Variants in CTSO observed in about 807,000 individuals in gnomAD.
CTSO encodes the protein cathepsin O.
Under a neutral mutation model 42.4 loss-of-function variants are expected in CTSO, and 40 were observed. The ratio of observed to expected loss-of-function variants is 0.94; its 90% CI spans 0.73 to 1.23. CTSO has a LOEUF of 1.23. CTSO is among the 50% of genes most tolerant of loss of function. CTSO has a pLI of 0.00. For missense variants in CTSO, 441 were observed against 396.0 expected (o/e 1.11, Z -0.96); for synonymous variants, 156 against 146.2 (o/e 1.07, Z -0.48).
intron 1 of CTSO, among the ~76,000 whole-genome samples, chr4:155,949,361 A>G (rs1253510670): frequency 6.6e-6 from 1 of 152,176 alleles, no homozygotes; most frequent in Non-Finnish European, 1.5e-5. Flanking sequence ...GTGAACATCT[A>G]TTATTTTTCC....
chr4:155,926,111 A>G (rs774651144), intron 7 of CTSO, 41 bp from the exon 8 acceptor site: 12 of 1,452,102 alleles, frequency 8.3e-6, no homozygotes, highest in Non-Finnish European at 7.6e-6. Flanking sequence ...TTTCCTCTTT[A>G]GATGCTTTTG....
At chr4:155,950,293 G>A (rs569983366) in intron 1 of CTSO, among the ~76,000 whole-genome samples, 30 of 152,174 alleles carry the variant, frequency 2.0e-4, no homozygotes, top group African/African-American at 7.0e-4. Context: ...TAAACATAAC[G>A]ATATTCATTT....
chr4:155,930,308 G>T (rs991687575), intron 5 of CTSO, among the ~76,000 whole-genome samples: 1 of 152,180 alleles, frequency 6.6e-6, no homozygotes, highest in Non-Finnish European at 1.5e-5. Flanking sequence ...AAATTATAGG[G>T]AAGGGCTACT....
chr4:155,930,038 G>C (rs1743208037), intron 5 of CTSO, among the ~76,000 whole-genome samples: 1 of 152,188 alleles, frequency 6.6e-6, no homozygotes, highest in Non-Finnish European at 1.5e-5. Context: ...CATCTCTGTT[G>C]AGAAGACTTC....
chr4:155,946,055 G>T (rs1394233357), intron 1 of CTSO, among the ~76,000 whole-genome samples: 1 of 152,114 alleles, frequency 6.6e-6, no homozygotes, highest in Admixed American at 6.5e-5. Flanking sequence ...AGACTCTTGA[G>T]TGTAGGCAAT....
At chr4:155,948,501 G>A (rs1743587759) in intron 1 of CTSO, among the ~76,000 whole-genome samples, 1 of 152,060 alleles carries the variant, frequency 6.6e-6, no homozygotes, top group Non-Finnish European at 1.5e-5. Context: ...TGTTAGCCTA[G>A]CTAGGATGCT....
At chr4:155,940,498 G>T (rs1324228013) in intron 3 of CTSO, among the ~76,000 whole-genome samples, 1 of 152,038 alleles carries the variant, frequency 6.6e-6, no homozygotes, top group East Asian at 1.9e-4. Context: ...TATCTCTAGT[G>T]CCTATGGCAT....
chr4:155,940,035 A>T (rs532761133), intron 3 of CTSO, among the ~76,000 whole-genome samples: 2 of 152,280 alleles, frequency 1.3e-5, no homozygotes, highest in African/African-American at 4.8e-5. Context: ...TTTGATGGAG[A>T]TAAGAGAATT....
At chr4:155,944,685 C>G (rs2110930062) in intron 1 of CTSO, among the ~76,000 whole-genome samples, 1 of 152,240 alleles carries the variant, frequency 6.6e-6, no homozygotes, top group Admixed American at 6.5e-5. Context: ...AGGGAAGCCA[C>G]AGTTCTTACG....
At chr4:155,932,971 A>T (rs6854401) in intron 5 of CTSO, among the ~76,000 whole-genome samples, 1 of 151,904 alleles carries the variant, frequency 6.6e-6, no homozygotes, top group Non-Finnish European at 1.5e-5. Flanking sequence ...CTCCTCTCCA[A>T]TAAAAAACTG....
At position 155,953,843 on chromosome 4, in the gene CTSO, T is replaced by A; in HGVS notation, c.5A>T (p.Asp2Val). 5 of 1,285,058 alleles carry A rather than the reference T, an allele frequency of 3.9e-6. No individual in the cohort carries two copies. The highest frequency in any genetic ancestry group is 4.9e-6 in the Non-Finnish European group (5 of 1,019,502). 79.6% of individuals were successfully genotyped at this position (1,285,058 alleles called of 1,614,324 possible). A position where few individuals can be genotyped will look rare whatever the true frequency, so the allele number is the denominator to read the frequency against. The part of the protein sequence containing the change: M[D>V]VRALPWLPWL... ...CGGCAGCCACGGCAGCGCCCGCACG[T>A]CCATTGCGGCGCCCGGCTCCTCTGC... Residue 2 changes from aspartate to valine, a missense_variant, in exon 1 of 8, where the codon GAC (aspartate) becomes GTC (valine). Transcript: ENST00000433477.
chr4:155,945,244 G>A (rs1017886068), intron 1 of CTSO, among the ~76,000 whole-genome samples: 10 of 151,772 alleles, frequency 6.6e-5, no homozygotes, highest in Admixed American at 1.3e-4. Flanking sequence ...ACGACAGAGC[G>A]AGCCTCCAAC....
intron 3 of CTSO, 32 bp from the exon 4 acceptor site, chr4:155,939,570 C>A (rs1279696093): frequency 1.9e-6 from 3 of 1,576,892 alleles, no homozygotes; most frequent in Non-Finnish European, 2.6e-6. Context: ...GGTGGTATTT[C>A]CAGGGTTTAA....
At chr4:155,933,080 C>T (rs1343216961) in intron 5 of CTSO, among the ~76,000 whole-genome samples, 1 of 152,074 alleles carries the variant, frequency 6.6e-6, no homozygotes, top group African/African-American at 2.4e-5. Flanking sequence ...AAGGCCACTG[C>T]TTGGTGACTG....
At chr4:155,941,244 C>T (rs562108846) in intron 3 of CTSO, among the ~76,000 whole-genome samples, 54 of 152,366 alleles carry the variant, frequency 3.5e-4, no homozygotes, top group Non-Finnish European at 6.3e-4. Flanking sequence ...ACTATCCCCT[C>T]TGGTTAGGGG....
chr4:155,950,451 TA>T (rs1289530021), intron 1 of CTSO, among the ~76,000 whole-genome samples: 1 of 152,210 alleles, frequency 6.6e-6, no homozygotes, highest in Non-Finnish European at 1.5e-5. Flanking sequence ...CCTATGATTT[TA>T]AGTTTATGAT....
Position 155,929,646 on chromosome 4 carries a change from A to G in CTSO, c.734T>C (p.Val245Ala). 1 of 1,614,018 alleles carries G rather than the reference A, an allele frequency of 6.2e-7. No homozygotes were observed. ...LLTFGPLVVI[V>A]DAVSWQDYLG... ...ATAATCTTGCCAGCTCACTGCATCT[A>G]CTATGACTACCAAAGGGCCAAAGGT... Residue 245 changes from valine to alanine, a missense_variant, in exon 6 of 8, where the codon GTA (valine) becomes GCA (alanine). Coordinates refer to ENST00000433477, the MANE Select transcript of CTSO (RefSeq NM_001334.3).
intron 5 of CTSO, among the ~76,000 whole-genome samples, chr4:155,936,214 T>A (rs1292423579): frequency 6.6e-6 from 1 of 152,202 alleles, no homozygotes; most frequent in African/African-American, 2.4e-5. Context: ...AAATCCTACA[T>A]GGTCTGCCAG....
chr4:155,931,697 A>G (rs1743236647), intron 5 of CTSO, among the ~76,000 whole-genome samples: 1 of 152,016 alleles, frequency 6.6e-6, no homozygotes, highest in Non-Finnish European at 1.5e-5. Flanking sequence ...TAATGGCTTT[A>G]TTATCAAACA....
Sources: allele counts gnomAD v4.1 joint callset (sites outside exome capture counted in the v4.1 genomes callset), GRCh38; gene constraint gnomAD v4.1.1; transcripts MANE v1.5; gene names NCBI Gene and HGNC (gene_info 2026-07-23, HGNC 2026-07-21).